Variants in SLC4A4 observed in about 807,000 individuals in gnomAD.
The protein encoded by SLC4A4 is solute carrier family 4 member 4.
Under a neutral mutation model 111.5 loss-of-function variants are expected in SLC4A4, and 27 were observed. That is an observed-to-expected ratio of 0.24 (90% confidence interval 0.18 to 0.33). SLC4A4 has a LOEUF of 0.33. Among genes scored for constraint, SLC4A4 ranks in the 10% least tolerant of loss-of-function variants. The pLI, the probability that SLC4A4 is intolerant of heterozygous loss-of-function variation, is 1.00. For synonymous variants in SLC4A4, 443 were observed against 463.4 expected (o/e 0.96, Z 0.57); for missense variants, 909 against 1,315.5 (o/e 0.69, Z 4.78).
chr4:71,237,296 A>G (rs1719879971), intron 2 of SLC4A4, among the ~76,000 whole-genome samples: 1 of 152,252 alleles, frequency 6.6e-6, no homozygotes, highest in South Asian at 2.1e-4. Flanking sequence ...TGACTTATCA[A>G]TAATGTGGGA....
chr4:71,435,472 G>A (rs1363755554), intron 7 of SLC4A4, among the ~76,000 whole-genome samples: 1 of 152,058 alleles, frequency 6.6e-6, no homozygotes, highest in Non-Finnish European at 1.5e-5. Context: ...GAAAACCTAG[G>A]CATTACCATT....
chr4:71,540,765 C>A (rs1350509364), intron 18 of SLC4A4, among the ~76,000 whole-genome samples: 2 of 152,076 alleles, frequency 1.3e-5, no homozygotes, highest in African/African-American at 4.8e-5. Flanking sequence ...AATTAATAAT[C>A]TGTATCTGTC....
chr4:71,072,125 C>A (rs1049557082), intron 1 of SLC4A4, among the ~76,000 whole-genome samples: 3 of 152,084 alleles, frequency 2.0e-5, no homozygotes, highest in Non-Finnish European at 4.4e-5. Context: ...TTAATAGTTA[C>A]AATCTTTTGT....
chr4:71,204,865 A>C (rs955736327), intron 1 of SLC4A4, among the ~76,000 whole-genome samples: 11 of 152,222 alleles, frequency 7.2e-5, no homozygotes, highest in African/African-American at 2.7e-4. Flanking sequence ...CTTATATAAA[A>C]CAACTAGAGA....
chr4:71,472,461 A>C (rs911729152), intron 13 of SLC4A4, among the ~76,000 whole-genome samples: 1 of 151,978 alleles, frequency 6.6e-6, no homozygotes, highest in Non-Finnish European at 1.5e-5. Context: ...GTTTTCACAT[A>C]TAAATGATAT....
At chr4:71,458,395 T>C (rs1325687865) in intron 12 of SLC4A4, among the ~76,000 whole-genome samples, 1 of 152,104 alleles carries the variant, frequency 6.6e-6, no homozygotes, top group African/African-American at 2.4e-5. Context: ...TTAATTTAAA[T>C]CTACATTGTT....
At chr4:71,106,315 A>C (rs2148949200) in intron 2 of SLC4A4, among the ~76,000 whole-genome samples, 1 of 151,032 alleles carries the variant, frequency 6.6e-6, no homozygotes, top group East Asian at 2.0e-4. Flanking sequence ...ACACTTTTAT[A>C]CTGTTGGTGG....
intron 2 of SLC4A4, among the ~76,000 whole-genome samples, chr4:71,106,076 GA>G (rs1206296729): frequency 6.9e-6 from 1 of 145,774 alleles, no homozygotes; most frequent in South Asian, 2.3e-4. Flanking sequence ...AAATTTACAA[GA>G]AAAAAACAAA....
intron 1 of SLC4A4, among the ~76,000 whole-genome samples, chr4:71,209,059 G>C (rs1717966978): frequency 6.6e-6 from 1 of 152,148 alleles, no homozygotes; most frequent in South Asian, 2.1e-4. Flanking sequence ...TCTTCAGAAA[G>C]TTTGTGTCAA....
At chr4:71,503,451 A>G (rs899171571) in intron 16 of SLC4A4, among the ~76,000 whole-genome samples, 4 of 151,086 alleles carry the variant, frequency 2.6e-5, no homozygotes, top group African/African-American at 9.7e-5. Context: ...TCCCTTTCTC[A>G]TGTGTTTATC....
chr4:71,237,710 T>A (rs1357441163), intron 2 of SLC4A4, among the ~76,000 whole-genome samples: 1 of 152,148 alleles, frequency 6.6e-6, no homozygotes, highest in East Asian at 1.9e-4. Flanking sequence ...GTTTGAATAG[T>A]GTGGCTATCA....
chr4:71,483,718 T>C (rs1578013096), intron 14 of SLC4A4, among the ~76,000 whole-genome samples: 2 of 152,092 alleles, frequency 1.3e-5, no homozygotes, highest in South Asian at 4.1e-4. Flanking sequence ...CAAATGTTAT[T>C]TGTGTCTCTA....
chr4:71,264,561 G>C (rs750649926), intron 3 of SLC4A4, among the ~76,000 whole-genome samples: 1 of 152,082 alleles, frequency 6.6e-6, no homozygotes, highest in Non-Finnish European at 1.5e-5. Context: ...GTTTTCCTCA[G>C]AAAATAGGGC....
At chr4:71,313,314 G>A (rs999058415) in intron 3 of SLC4A4, among the ~76,000 whole-genome samples, 2 of 152,170 alleles carry the variant, frequency 1.3e-5, no homozygotes, top group Non-Finnish European at 2.9e-5. Context: ...CCATGCTCAT[G>A]GATACAAGAA....
intron 1 of SLC4A4, among the ~76,000 whole-genome samples, chr4:71,222,808 T>C (rs926037688): frequency 1.1e-4 from 16 of 152,208 alleles, no homozygotes; most frequent in Non-Finnish European, 2.1e-4. Context: ...GCCCACGTGG[T>C]GAGTGATGCA....
intron 1 of SLC4A4, among the ~76,000 whole-genome samples, chr4:71,087,660 G>A (rs1742226394): frequency 6.6e-6 from 1 of 151,962 alleles, no homozygotes; most frequent in South Asian, 2.1e-4. Context: ...ATTTTGTTAT[G>A]TACCCAGTAG....
chr4:71,101,774 T>A (rs891295626), intron 2 of SLC4A4, among the ~76,000 whole-genome samples: 9 of 151,828 alleles, frequency 5.9e-5, no homozygotes, highest in African/African-American at 1.9e-4. Flanking sequence ...CATCTGTACA[T>A]CACCATCATC....
At chr4:71,122,551 T>TTC (rs1743461449) in intron 2 of SLC4A4, among the ~76,000 whole-genome samples, 1 of 151,940 alleles carries the variant, frequency 6.6e-6, no homozygotes, top group Admixed American at 6.6e-5. Flanking sequence ...CCACAGAACT[T>TTC]TATGAGACTT....
At chr4:71,246,399 A>G (rs575426710) in intron 2 of SLC4A4, among the ~76,000 whole-genome samples, 1 of 152,264 alleles carries the variant, frequency 6.6e-6, no homozygotes, top group South Asian at 2.1e-4. Context: ...AGGAAAAGGA[A>G]TTTAGGTAGG....
Sources: gnomAD v4.1 joint callset for allele counts (sites outside exome capture counted in the v4.1 genomes callset) on GRCh38, gnomAD v4.1.1 for gene constraint, MANE v1.5 for transcripts, NCBI Gene and HGNC (gene_info 2026-07-23, HGNC 2026-07-21) for gene names.